The following KCTD1 variants were observed in gnomAD, a reference collection of about 807,000 sequenced individuals.
The protein encoded by KCTD1 is potassium channel tetramerization domain containing 1.
Under a neutral mutation model 66.0 loss-of-function variants are expected in KCTD1, and 24 were observed. The ratio of observed to expected loss-of-function variants is 0.36; its 90% CI spans 0.26 to 0.51. KCTD1 has a LOEUF of 0.51. KCTD1 is among the 20% of genes least tolerant of loss of function. The pLI is 0.95. For synonymous variants in KCTD1, 511 were observed against 517.2 expected (o/e 0.99, Z 0.16); for missense variants, 943 against 1,205.2 (o/e 0.78, Z 3.22).
upstream of KCTD1, among the ~76,000 whole-genome samples, chr18:26,631,705 A>G (rs1987621010): frequency 6.6e-6 from 1 of 152,220 alleles, no homozygotes. Context: ...TCACTTACAT[A>G]GAATAAAAAT....
At chr18:26,467,698 C>T (rs1026681242) in intron 3 of KCTD1, among the ~76,000 whole-genome samples, 2 of 151,436 alleles carry the variant, frequency 1.3e-5, no homozygotes, top group African/African-American at 2.4e-5. Context: ...GCCTGTAATC[C>T]CAGCTACTTG....
chr18:26,635,541 C>G (rs193119367), intron 1 of KCTD1, among the ~76,000 whole-genome samples: 2 of 152,338 alleles, frequency 1.3e-5, no homozygotes, highest in Non-Finnish European at 2.9e-5. Flanking sequence ...CCATCATGCA[C>G]CCCTCTCTGC....
At chr18:26,594,856 T>C (rs1191959617) in intron 1 of KCTD1, among the ~76,000 whole-genome samples, 1 of 152,168 alleles carries the variant, frequency 6.6e-6, no homozygotes, top group Non-Finnish European at 1.5e-5. Context: ...AGGCTGTTTT[T>C]GGACTCTGGG....
chr18:26,495,144 C>T (rs17224726), intron 2 of KCTD1, among the ~76,000 whole-genome samples: 9,158 of 151,786 alleles, frequency 0.06, 449 homozygotes, highest in African/African-American at 0.13. Context: ...CCTAAAACAA[C>T]GGCTTGCACG....
chr18:26,576,613 A>T (rs1193602022), intron 1 of KCTD1, among the ~76,000 whole-genome samples: 1 of 152,180 alleles, frequency 6.6e-6, no homozygotes, highest in African/African-American at 2.4e-5. Context: ...TTCCTCATCA[A>T]TCCCACCCCC....
intron 3 of KCTD1, among the ~76,000 whole-genome samples, chr18:26,462,200 A>G (rs1980471025): frequency 6.6e-6 from 1 of 151,828 alleles, no homozygotes; most frequent in South Asian, 2.1e-4. Flanking sequence ...ATTGTTACCC[A>G]CTCTTGGAAA....
chr18:26,523,108 G>A (rs979341087), intron 1 of KCTD1, among the ~76,000 whole-genome samples: 4 of 152,068 alleles, frequency 2.6e-5, no homozygotes, highest in South Asian at 2.1e-4. Flanking sequence ...GTAGATTTGC[G>A]TTTCCCAAAG....
At chr18:26,548,732 G>T (rs1176371745), upstream of KCTD1, 1 of 718,802 alleles carries the variant, frequency 1.4e-6, no homozygotes, top group Non-Finnish European at 1.8e-6. Context: ...GGAGGGGGGA[G>T]GGGGGGACAA....
intron 1 of KCTD1, among the ~76,000 whole-genome samples, chr18:26,518,072 A>C (rs8095338): frequency 0.67 from 101,936 of 152,080 alleles, 34,412 homozygotes; most frequent in East Asian, 0.9. Flanking sequence ...TTTGCTGTAC[A>C]CCCCCATCTC....
At chr18:26,546,581 GTTAAC>G in intron 1 of KCTD1, 142 bp downstream of exon 1, 8 of 920,538 alleles carry the variant, frequency 8.7e-6, no homozygotes, top group Non-Finnish European at 1.2e-5. Context: ...CACCAAGAGA[GTTAAC>G]TTCTAAGGGT....
At chr18:26,551,783 T>C (rs991880083), upstream of KCTD1, among the ~76,000 whole-genome samples, 12 of 152,158 alleles carry the variant, frequency 7.9e-5, no homozygotes, top group African/African-American at 2.9e-4. Context: ...AATTCCAAAA[T>C]GAAAGAATCA....
chr18:26,572,207 G>A (rs1397430660), intron 1 of KCTD1, among the ~76,000 whole-genome samples: 17 of 151,832 alleles, frequency 1.1e-4, no homozygotes, highest in Non-Finnish European at 1.5e-4. Flanking sequence ...CTACAGGCGC[G>A]CACCACCACA....
At chr18:26,577,392 A>G (rs563002267) in intron 1 of KCTD1, among the ~76,000 whole-genome samples, 3 of 152,288 alleles carry the variant, frequency 2.0e-5, no homozygotes, top group East Asian at 3.9e-4. Context: ...TTATCAATCA[A>G]TTCTTTTCAG....
intron 1 of KCTD1, among the ~76,000 whole-genome samples, chr18:26,647,460 C>T (rs563737410): frequency 1.6e-5 from 2 of 126,940 alleles, no homozygotes; most frequent in Admixed American, 1.0e-4. Flanking sequence ...GCGGAGGTTG[C>T]GGTGAGCCGA....
chr18:26,548,703 G>T, upstream of KCTD1: 1 of 979,722 alleles, frequency 1.0e-6, no homozygotes. Context: ...GAGGGGCAGC[G>T]GCGCGCAGGG....
At chr18:26,615,784 T>C (rs890772733) in intron 1 of KCTD1, among the ~76,000 whole-genome samples, 9 of 152,146 alleles carry the variant, frequency 5.9e-5, no homozygotes, top group Non-Finnish European at 4.4e-5. Flanking sequence ...CTATAGGAAT[T>C]GGGATCACTA....
chr18:26,487,993 T>C (rs1336530831), intron 2 of KCTD1, among the ~76,000 whole-genome samples: 2 of 152,246 alleles, frequency 1.3e-5, no homozygotes, highest in Non-Finnish European at 2.9e-5. Flanking sequence ...TAACTTCTTG[T>C]TCCACTAGCT....
chr18:26,500,498 C>T (rs1012401192), intron 2 of KCTD1, among the ~76,000 whole-genome samples: 1 of 152,074 alleles, frequency 6.6e-6, no homozygotes, highest in East Asian at 1.9e-4. Context: ...ATGTATACTG[C>T]CTACTTGTAA....
At chr18:26,464,533 T>C (rs975611341) in intron 3 of KCTD1, among the ~76,000 whole-genome samples, 1 of 152,212 alleles carries the variant, frequency 6.6e-6, no homozygotes, top group Non-Finnish European at 1.5e-5. Context: ...CAGTCAACGG[T>C]TCTGCAAAAC....
Sources: allele counts gnomAD v4.1 joint callset (sites outside exome capture counted in the v4.1 genomes callset), GRCh38; gene constraint gnomAD v4.1.1; transcripts MANE v1.5; gene names NCBI Gene and HGNC (gene_info 2026-07-23, HGNC 2026-07-21).